MTARC1: variants seen among roughly 807,000 people sequenced by gnomAD.
MTARC1 encodes the protein mitochondrial amidoxime-reducing component 1.
A neutral mutation model predicts 33.6 loss-of-function variants in MTARC1; 24 were observed. That is an observed-to-expected ratio of 0.72 (90% CI 0.52 to 1.01). The LOEUF (loss-of-function observed/expected upper bound fraction) is 1.01. MTARC1 is among the 50% of genes least tolerant of loss of function. The probability of loss-of-function intolerance (pLI) is 0.00; values close to 1 mark genes in which losing one functional copy is unlikely to be tolerated. For synonymous variants in MTARC1, 187 were observed against 189.5 expected, an observed-to-expected ratio of 0.99 and a Z score of 0.11; for missense variants, 417 against 445.7, an observed-to-expected ratio of 0.94 and a Z score of 0.58.
At chr1:220,799,514 A>G (rs1310814945) in intron 4 of MTARC1, among the ~76,000 whole-genome samples, 1 of 152,142 alleles carries the variant, frequency 6.6e-6, no homozygotes, top group Non-Finnish European at 1.5e-5. Context: ...AGGAAAAGAG[A>G]AATGAGTGGG....
intron 6 of MTARC1, among the ~76,000 whole-genome samples, chr1:220,808,680 C>T (rs138195661): frequency 6.6e-6 from 1 of 152,336 alleles, no homozygotes; most frequent in Non-Finnish European, 1.5e-5. Flanking sequence ...CTGACCAGCC[C>T]TGCCTCCTGA....
intron 4 of MTARC1, chr1:220,798,852 A>G (rs1444459563): frequency 1.0e-6 from 1 of 985,284 alleles, no homozygotes; most frequent in Non-Finnish European, 1.2e-6. Flanking sequence ...AATCAAAGCA[A>G]TTGAGTTTTA....
chr1:220,791,919 T>A (rs1424334356), intron 2 of MTARC1, among the ~76,000 whole-genome samples: 1 of 152,076 alleles, frequency 6.6e-6, no homozygotes, highest in Non-Finnish European at 1.5e-5. Context: ...AACAAAAGCA[T>A]ATTGACATGT....
chr1:220,812,989 G>T (rs1350663403), intron 6 of MTARC1, among the ~76,000 whole-genome samples: 1 of 152,112 alleles, frequency 6.6e-6, no homozygotes, highest in Non-Finnish European at 1.5e-5. Context: ...GCCTCCCAAA[G>T]TGCTGGGATT....
At chr1:220,798,517 G>C in intron 4 of MTARC1, 2 of 985,462 alleles carry the variant, frequency 2.0e-6, no homozygotes, top group Non-Finnish European at 2.4e-6. Context: ...GCCCTCAGAT[G>C]TTTGCGTGGT....
At chr1:220,789,057 A>ACC (rs199676516) in intron 1 of MTARC1, among the ~76,000 whole-genome samples, 31,030 of 150,342 alleles carry the variant, frequency 0.21, 3,570 homozygotes, top group East Asian at 0.45. Context: ...GGTTGTGACT[A>ACC]GACTAAACAG....
intron 4 of MTARC1, among the ~76,000 whole-genome samples, chr1:220,804,550 G>A (rs1672911811): frequency 6.6e-6 from 1 of 152,106 alleles, no homozygotes; most frequent in South Asian, 2.1e-4. Flanking sequence ...AGAGGAATGA[G>A]GCTGCTGGTC....
In MTARC1 at chr1:220,813,940, A is replaced by C. The variant is rs905128234; in HGVS notation, c.*522A>C. On this transcript the variant is annotated 3_prime_UTR_variant, in exon 7 of 7. Coordinates refer to ENST00000366910, the MANE Select transcript of MTARC1 (RefSeq NM_022746.4). ...CGGGCTAGCTTTTGAAATGGCATAA[A>C]GACTGAGGTGACCTTCAGGAAGCAC... The C allele has an allele frequency of 1.2e-5, 2 of 160,540 alleles. No individual in the cohort carries two copies. The highest frequency in any genetic ancestry group is 2.8e-5 in the Non-Finnish European group (2 of 72,574). 9.9% of individuals were successfully genotyped at this position (160,540 alleles called of 1,614,324 possible).
chr1:220,787,190 G>T lies in MTARC1; in HGVS notation c.246G>T (p.Met82Ile). The T allele has an allele frequency of 1.3e-6, 2 of 1,579,226 alleles. No individual in the cohort carries two copies. Among genetic ancestry groups the T allele is most frequent in the Non-Finnish European group, 1.7e-6 (2 of 1,163,550 alleles). ...VPVSEAECTA[M>I]GLRSGNLRDR... ...TGAGCGAGGCGGAGTGCACGGCCAT[G>T]GGGCTGCGCAGCGGCAACCTGCGGG... is the stretch of plus-strand genomic sequence containing the variant. The change falls in exon 1 of 7, where the codon ATG becomes ATT. Residue 82 changes from methionine to isoleucine, a missense_variant. By Grantham distance (10) the Met-to-Ile change is conservative. Transcript: ENST00000366910.
chr1:220,805,727 A>G (rs573000730), intron 6 of MTARC1, among the ~76,000 whole-genome samples: 64 of 152,370 alleles, frequency 4.2e-4, no homozygotes, highest in African/African-American at 1.5e-3. Context: ...AAAAAAGGAT[A>G]AATGAGTACA....
rs1168111965 is a variant in MTARC1 at position 220,818,876 on chromosome 1, GC to G, written c.*5460del. On this transcript the variant is annotated 3_prime_UTR_variant, in exon 7 of 7. Coordinates refer to ENST00000366910, the MANE Select transcript of MTARC1 (RefSeq NM_022746.4). Reference sequence around the variant, plus strand: ...GCTTGTTAGTCCGAGGCCCAGGACGGCCGAGGACAGCTGGAGAGCTCTTCGT... The same window carrying G: ...GCTTGTTAGTCCGAGGCCCAGGACGGCGAGGACAGCTGGAGAGCTCTTCGT... The G allele has an allele frequency of 6.6e-6, 1 of 152,216 alleles. No individual in the cohort carries two copies. The highest frequency in any genetic ancestry group is 2.4e-5 in the African/African-American group (1 of 41,460). The allele number at this position is 152,216 out of a possible 1,614,324, so 9.4% of individuals were successfully genotyped here.
chr1:220,790,505 CTCTG>C (rs1284960955), intron 1 of MTARC1, among the ~76,000 whole-genome samples: 11 of 152,182 alleles, frequency 7.2e-5, no homozygotes, highest in African/African-American at 2.7e-4. Flanking sequence ...CAGGGCAGGC[CTCTG>C]TCTGTGCAGA....
At chr1:220,791,787 C>A (rs1672431529) in intron 2 of MTARC1, 123 bp downstream of exon 2, 1 of 1,055,038 alleles carries the variant, frequency 9.5e-7, no homozygotes, top group Non-Finnish European at 1.3e-6. Context: ...GCATGTGTAC[C>A]ATATACAGAA....
Position 220,787,185 on chromosome 1 carries a change from G to T in MTARC1, c.241G>T (p.Ala81Ser). ...GVPVSEAECT[A>S]MGLRSGNLRD... ...GCCGGTGAGCGAGGCGGAGTGCACG[G>T]CCATGGGGCTGCGCAGCGGCAACCT... The change falls in exon 1 of 7, where the codon GCC (alanine) becomes TCC (serine). Residue 81 changes from alanine to serine, a missense_variant. By Grantham distance (99) the Ala-to-Ser change is moderately conservative. Transcript: ENST00000366910. The T allele has an allele frequency of 1.9e-6, 3 of 1,579,754 alleles. No individual in the cohort carries two copies. Among genetic ancestry groups the T allele is most frequent in the South Asian group, 2.3e-5 (2 of 86,488 alleles).
Position 220,786,995 on chromosome 1 carries a change from A to G in MTARC1, c.51A>G (p.Gln17=). 14 of 1,294,050 alleles carry G rather than the reference A, an allele frequency of 1.1e-5. No individual in the cohort carries two copies. The highest frequency in any genetic ancestry group is 2.8e-5 in the South Asian group (1 of 35,880). 80.2% of individuals were successfully genotyped at this position (1,294,050 alleles called of 1,614,324 possible). ...SALARFVLLA[Q]SRPGWLGVAA... ...TGGCGCGCTTTGTCCTCCTCGCGCA[A>G]TCCCGGCCCGGGTGGCTCGGGGTTG... The change falls in exon 1 of 7, where the codon CAA becomes CAG. Residue 17 remains glutamine, a synonymous_variant. Coordinates refer to ENST00000366910, the MANE Select transcript of MTARC1 (RefSeq NM_022746.4).
chr1:220,807,237 A>G (rs1350925762), intron 6 of MTARC1, among the ~76,000 whole-genome samples: 1 of 152,206 alleles, frequency 6.6e-6, no homozygotes, highest in Non-Finnish European at 1.5e-5. Context: ...TTACTTGGAA[A>G]TGCAAAAAGA....
intron 6 of MTARC1, among the ~76,000 whole-genome samples, chr1:220,812,930 T>G (rs1673180177): frequency 6.6e-6 from 1 of 152,048 alleles, no homozygotes; most frequent in African/African-American, 2.4e-5. Flanking sequence ...TTCACCGTGT[T>G]AGTCAGGATG....
intron 4 of MTARC1, among the ~76,000 whole-genome samples, chr1:220,800,504 C>T (rs1043943022): frequency 6.6e-6 from 1 of 152,152 alleles, no homozygotes; most frequent in Non-Finnish European, 1.5e-5. Context: ...GTGGGGTGAG[C>T]TGAAGCATGG....
Position 220,808,116 on chromosome 1 carries a change from G to A in MTARC1, c.887+2842G>A, listed in dbSNP as rs866163041. Reference sequence around the variant, plus strand: ...CCCCCTGTGTGTTGCTCGGTGTGGGGCATCCTTCCCTCTGGATTTAGAAGG... The same window carrying A: ...CCCCCTGTGTGTTGCTCGGTGTGGGACATCCTTCCCTCTGGATTTAGAAGG... On this transcript the variant is annotated intron_variant, in intron 6 of 6. Coordinates refer to ENST00000366910, the MANE Select transcript of MTARC1 (RefSeq NM_022746.4). Among the ~76,000 whole-genome samples, 14 of 152,194 alleles carry A rather than the reference G, an allele frequency of 9.2e-5. No homozygotes were observed. In the South Asian group the frequency reaches 2.9e-3, roughly 32 times the overall value.
Sources: gnomAD v4.1 joint callset for allele counts (sites outside exome capture counted in the v4.1 genomes callset) on GRCh38, gnomAD v4.1.1 for gene constraint, MANE v1.5 for transcripts, NCBI Gene and HGNC (gene_info 2026-07-23, HGNC 2026-07-21) for gene names.